The following C1QTNF9 variants were observed in gnomAD, a reference collection of about 807,000 sequenced individuals.
C1QTNF9 encodes C1q and TNF related 9.
A neutral mutation model predicts 10.1 loss-of-function variants in C1QTNF9; 6 were observed. That is an observed-to-expected ratio of 0.59 (90% CI 0.32 to 1.17). The LOEUF is 1.17. C1QTNF9 is among the 50% of genes most tolerant of loss of function. C1QTNF9 has a pLI of 0.04. For missense variants in C1QTNF9, 201 were observed against 418.8 expected (o/e 0.48, Z 4.54); for synonymous variants, 98 against 163.5 (o/e 0.60, Z 3.06).
chr13:24,308,130 C>G (rs545044172), upstream of C1QTNF9, among the ~76,000 whole-genome samples: 2 of 152,204 alleles, frequency 1.3e-5, no homozygotes, highest in South Asian at 4.1e-4. Flanking sequence ...AGCGCGTGGC[C>G]GGTGGAGGCC....
rs1166467711 is a variant in C1QTNF9 at position 24,315,963 on chromosome 13, T to C, written c.-22-19T>C. On this transcript the variant is annotated intron_variant, in intron 1 of 3. Coordinates refer to ENST00000332018, the Ensembl canonical transcript of C1QTNF9. ...AGCAACAAAGATTTCTCCTTTGGGT[T>C]TCTGTTTCCCTCTTTCAGTTCAGAG... is the stretch of plus-strand genomic sequence containing the variant. 6.2e-7 allele frequency: 1 copy of C among 1,611,996 alleles called. No homozygotes were observed. Among genetic ancestry groups the C allele is most frequent in the African/African-American group, 1.3e-5 (1 of 74,722 alleles).
At chr13:24,320,762 G>T (rs1878223069) in intron 3 of C1QTNF9, among the ~76,000 whole-genome samples, 1 of 151,158 alleles carries the variant, frequency 6.6e-6, no homozygotes, top group Non-Finnish European at 1.5e-5. Context: ...TGTTGGCCAG[G>T]TTGGTCTTGA....
At chr13:24,322,317 T>C (rs1023036161) in exon 4 of C1QTNF9, 2 of 152,544 alleles carry the variant, frequency 1.3e-5, no homozygotes, top group Admixed American at 1.3e-4. Flanking sequence ...TGGTTTGCTG[T>C]ATCTATCAAC....
chr13:24,316,063 G>C (rs370609018), exon 2 of C1QTNF9: 1 of 1,613,626 alleles, frequency 6.2e-7, no homozygotes, highest in African/African-American at 1.3e-5. Flanking sequence ...TAAACTCACA[G>C]GACACCTGCA....
chr13:24,315,222 A>G (rs975086536), intron 1 of C1QTNF9, among the ~76,000 whole-genome samples: 1 of 151,896 alleles, frequency 6.6e-6, no homozygotes, highest in Non-Finnish European at 1.5e-5. Context: ...TTCTCTCTTC[A>G]CCTCTGGCAA....
At chr13:24,310,112 T>C (rs1475368003) in intron 1 of C1QTNF9, among the ~76,000 whole-genome samples, 1 of 152,008 alleles carries the variant, frequency 6.6e-6, no homozygotes, top group Non-Finnish European at 1.5e-5. Flanking sequence ...CAGGCTGCTC[T>C]TGAACTCCTG....
upstream of C1QTNF9, among the ~76,000 whole-genome samples, chr13:24,308,309 G>T (rs1269363626): frequency 6.6e-6 from 1 of 152,226 alleles, no homozygotes; most frequent in African/African-American, 2.4e-5. Context: ...CGCGCGTTCC[G>T]TCGGGGCCGC....
chr13:24,321,981 T>C, exon 4 of C1QTNF9: 1 of 573,354 alleles, frequency 1.7e-6, no homozygotes, highest in Non-Finnish European at 2.7e-6. Flanking sequence ...TCTAATTTAT[T>C]TCACATTTCT....
intron 2 of C1QTNF9, among the ~76,000 whole-genome samples, chr13:24,317,096 C>T (rs916320061): frequency 6.6e-6 from 1 of 152,186 alleles, no homozygotes; most frequent in African/African-American, 2.4e-5. Context: ...TAACCACCAT[C>T]CTGCACATCT....
intron 1 of C1QTNF9, among the ~76,000 whole-genome samples, chr13:24,309,947 G>A (rs899802521): frequency 2.0e-5 from 3 of 152,144 alleles, no homozygotes; most frequent in Non-Finnish European, 2.9e-5. Flanking sequence ...CCAGGCTGGA[G>A]TGCAGTGTCA....
exon 4 of C1QTNF9, chr13:24,321,927 C>T: frequency 9.9e-7 from 1 of 1,005,412 alleles, no homozygotes; most frequent in African/African-American, 1.7e-5. Flanking sequence ...GTGTAACTTA[C>T]TATTTTTCCA....
intron 1 of C1QTNF9, among the ~76,000 whole-genome samples, chr13:24,314,919 T>C (rs1877970967): frequency 6.6e-6 from 1 of 151,376 alleles, no homozygotes; most frequent in African/African-American, 2.4e-5. Context: ...GTGTGGCCCT[T>C]CTTCACAGTG....
Position 24,319,260 on chromosome 13 carries a change from C to T in C1QTNF9, c.229+380C>T, listed in dbSNP as rs576835373. 3.0e-4 allele frequency among the ~76,000 whole-genome samples: 46 copies of T among 152,254 alleles called. 2 individuals carry two copies. In the South Asian group the frequency reaches 7.3e-3, roughly 24 times the overall value. On this transcript the variant is annotated intron_variant, in intron 3 of 3. Coordinates refer to ENST00000332018, the Ensembl canonical transcript of C1QTNF9. Reference sequence around the variant, plus strand: ...ACCATTTAAACATGCAAACCATGGCCGAGCACCATGGCCCACACCTGTAAT... The same window carrying T: ...ACCATTTAAACATGCAAACCATGGCTGAGCACCATGGCCCACACCTGTAAT...
chr13:24,318,099 C>T (rs1253139520), intron 2 of C1QTNF9, among the ~76,000 whole-genome samples: 1 of 152,146 alleles, frequency 6.6e-6, no homozygotes, highest in Non-Finnish European at 1.5e-5. Context: ...TTGTGAGAAG[C>T]CAGAGTCTGG....
intron 1 of C1QTNF9, among the ~76,000 whole-genome samples, chr13:24,311,851 A>G (rs1488327791): frequency 2.0e-5 from 3 of 152,156 alleles, no homozygotes; most frequent in Non-Finnish European, 4.4e-5. Flanking sequence ...GGAGTCCCAC[A>G]TGGTTCACCA....
chr13:24,319,027 T>A, intron 3 of C1QTNF9, 147 bp downstream of exon 3: 1 of 1,143,246 alleles, frequency 8.7e-7, no homozygotes, highest in Non-Finnish European at 1.3e-6. Context: ...CTGCAGGGAT[T>A]GGCAGGCTTT....
At chr13:24,316,417 C>T (rs1878040680) in intron 2 of C1QTNF9, among the ~76,000 whole-genome samples, 1 of 152,122 alleles carries the variant, frequency 6.6e-6, no homozygotes, top group African/African-American at 2.4e-5. Context: ...AGGGCAAGAT[C>T]GCCATGACCC....
chr13:24,308,626 C>T (rs1217991317), upstream of C1QTNF9, among the ~76,000 whole-genome samples: 1 of 152,220 alleles, frequency 6.6e-6, no homozygotes, highest in African/African-American at 2.4e-5. Flanking sequence ...CCCGCACCCA[C>T]CCGTACACTC....
At chr13:24,312,206 C>A (rs1386801604) in intron 1 of C1QTNF9, among the ~76,000 whole-genome samples, 1 of 152,226 alleles carries the variant, frequency 6.6e-6, no homozygotes, top group Non-Finnish European at 1.5e-5. Context: ...TGCATGCCTG[C>A]ATTGATTCAT....
Sources: gnomAD v4.1 joint callset for allele counts (sites outside exome capture counted in the v4.1 genomes callset) on GRCh38, gnomAD v4.1.1 for gene constraint, MANE v1.5 for transcripts, NCBI Gene and HGNC (gene_info 2026-07-23, HGNC 2026-07-21) for gene names.